MYO9A: variants seen among roughly 807,000 people sequenced by gnomAD.
MYO9A encodes the protein unconventional myosin-IXa.
MYO9A carries 103 observed loss-of-function variants against 293.3 expected under a neutral mutation model. The ratio of observed to expected loss-of-function variants is 0.35; its 90% CI spans 0.30 to 0.41. The LOEUF is 0.41. Among genes scored for constraint, MYO9A ranks in the 10% least tolerant of loss-of-function variants. The probability of loss-of-function intolerance (pLI) is 1.00; values close to 1 mark genes in which losing one functional copy is unlikely to be tolerated. For missense variants in MYO9A, 2,685 were observed against 3,033.0 expected (o/e 0.89, Z 2.69); for synonymous variants, 1,001 against 1,035.7 (o/e 0.97, Z 0.64).
intron 4 of MYO9A, 51 bp from the exon 5 acceptor site, chr15:72,021,068 C>A (rs2149211096): frequency 8.4e-7 from 1 of 1,183,524 alleles, no homozygotes; most frequent in Non-Finnish European, 1.2e-6. Flanking sequence ...TTATGGTTAT[C>A]ATTTAACAGG....
At chr15:71,920,514 G>C (rs1264188561) in intron 18 of MYO9A, among the ~76,000 whole-genome samples, 6 of 152,162 alleles carry the variant, frequency 3.9e-5, no homozygotes, top group Non-Finnish European at 7.4e-5. Flanking sequence ...CTGAAAACTT[G>C]ATTTTGAAAT....
intron 1 of MYO9A, among the ~76,000 whole-genome samples, chr15:72,112,263 G>A (rs535834992): frequency 2.0e-5 from 3 of 152,272 alleles, no homozygotes; most frequent in African/African-American, 7.2e-5. Context: ...CAAGCCAGCT[G>A]TCTATGACAG....
intron 10 of MYO9A, chr15:71,993,823 AG>A: frequency 6.6e-6 from 1 of 152,190 alleles, no homozygotes; most frequent in African/African-American, 2.4e-5. Context: ...TACAAAAATG[AG>A]CTGGGTGTGG....
chr15:71,896,503 G>C lies in MYO9A; in HGVS notation c.5042+958C>G, dbSNP rs185291483. Among the ~76,000 whole-genome samples, 39 of 152,198 alleles carry C rather than the reference G, an allele frequency of 2.6e-4. No individual in the cohort carries two copies. The East Asian group carries it at 7.3e-3, about 29-fold the overall frequency. On this transcript the variant is annotated intron_variant, in intron 25 of 41. Transcript: ENST00000356056. ...TATAAAGAAATTCTACTTACGGCTG[G>C]GTGCGGTGGCTCACACCTGTAATCC...
chr15:72,087,382 G>T (rs773214382), intron 1 of MYO9A, among the ~76,000 whole-genome samples: 3 of 152,186 alleles, frequency 2.0e-5, no homozygotes, highest in Non-Finnish European at 1.5e-5. Context: ...GCACTGACTG[G>T]AGTGCTGCCT....
In MYO9A at chr15:71,899,719, T is replaced by C. The variant is rs568262232; in HGVS notation, c.3438A>G (p.Gln1146=). The C allele has an allele frequency of 1.3e-5, 21 of 1,613,922 alleles. No homozygotes were observed. The Admixed American group carries it at 1.5e-4, about 12-fold the overall frequency. ...TTGCTCTGAATCCTCTACATGTTGA[T>C]TGCAAAAGGATAATTTTTTTCCTTT... is the stretch of plus-strand genomic sequence containing the variant. ...QEQRKKIILL[Q]STCRGFRARQ... The change falls in exon 24 of 42, where the codon CAA becomes CAG. Residue 1146 remains glutamine, a synonymous_variant. Transcript: ENST00000356056.
At chr15:71,839,973 T>C (rs796826487) in intron 39 of MYO9A, among the ~76,000 whole-genome samples, 32 of 152,348 alleles carry the variant, frequency 2.1e-4, no homozygotes, top group African/African-American at 7.7e-4. Flanking sequence ...GTGTAAGAAC[T>C]GATCTTTGGT....
chr15:72,012,350 A>C (rs1317205250), intron 6 of MYO9A, among the ~76,000 whole-genome samples: 1 of 152,126 alleles, frequency 6.6e-6, no homozygotes, highest in Non-Finnish European at 1.5e-5. Context: ...GCTGCTGTGC[A>C]ATGACGCGAT....
At chr15:72,065,515 CAAAA>C (rs780113322) in intron 1 of MYO9A, among the ~76,000 whole-genome samples, 3 of 56,598 alleles carry the variant, frequency 5.3e-5, no homozygotes. Flanking sequence ...AACTCCGTCT[CAAAA>C]AAAAAAAAAA....
Position 71,933,718 on chromosome 15 carries a change from A to T in MYO9A, c.2523-9T>A, listed in dbSNP as rs2058547828. ...TGAAATTTTTGTTTCTCCTATAGAG[A>T]TAAATCATTCATTAAAAAAAGCTAC... is the stretch of plus-strand genomic sequence containing the variant. On this transcript the variant is annotated splice_polypyrimidine_tract_variant and intron_variant, in intron 17 of 41. Coordinates refer to ENST00000356056, the MANE Select transcript of MYO9A (RefSeq NM_006901.4). 6.3e-7 allele frequency: 1 copy of T among 1,596,706 alleles called. No homozygotes were observed. The highest frequency in any genetic ancestry group is 1.8e-5 in the Admixed American group (1 of 55,992).
intron 13 of MYO9A, among the ~76,000 whole-genome samples, chr15:71,960,582 C>A (rs1474320020): frequency 6.6e-6 from 1 of 152,164 alleles, no homozygotes; most frequent in Non-Finnish European, 1.5e-5. Context: ...AATGGACTAA[C>A]CCAAGTGACA....
chr15:71,822,483 C>T lies in MYO9A; in HGVS notation c.*4097G>A, dbSNP rs1037165067. The T allele has an allele frequency of 2.0e-5, 3 of 151,996 alleles. No homozygotes were observed. The highest frequency in any genetic ancestry group is 7.3e-5 in the African/African-American group (3 of 41,366). The allele number at this position is 151,996 out of a possible 1,614,324, so 9.4% of individuals were successfully genotyped here. ...TTACAAAGTGCCTATTGATTGCATC[C>T]GGAATGTAATCAGTTCCGTGGGTGA... On this transcript the variant is annotated 3_prime_UTR_variant, in exon 42 of 42. Transcript: ENST00000356056.
intron 18 of MYO9A, among the ~76,000 whole-genome samples, chr15:71,933,281 C>T (rs1008694037): frequency 1.3e-5 from 2 of 152,022 alleles, no homozygotes; most frequent in African/African-American, 4.8e-5. Context: ...AAAAACCTGG[C>T]AAACATTTAT....
chr15:72,019,291 C>T (rs139594909), intron 5 of MYO9A, among the ~76,000 whole-genome samples, 196 bp from the exon 6 acceptor site: 4 of 152,282 alleles, frequency 2.6e-5, no homozygotes, highest in Non-Finnish European at 4.4e-5. Context: ...CGCATATATA[C>T]CATGGGCTCC....
At chr15:71,908,054 C>T (rs1178694454) in intron 19 of MYO9A, among the ~76,000 whole-genome samples, 1 of 152,146 alleles carries the variant, frequency 6.6e-6, no homozygotes, top group Admixed American at 6.5e-5. Flanking sequence ...CCTAGGTTTT[C>T]TTCTAGGGTT....
Position 71,951,847 on chromosome 15 carries a change from A to G in MYO9A, c.2232T>C (p.Phe744=). ...GGTGGACTGGGTGTTGGAGAAAGCT[A>G]AAACTATCCATACTTTTCAAAATTG... ...PCAILKSMDS[F]SFLQHPVHQR... Residue 744 remains phenylalanine (F), a synonymous_variant, in exon 15 of 42, where the codon TTT becomes TTC. Transcript: ENST00000356056. 6.2e-7 allele frequency: 1 copy of G among 1,613,472 alleles called. No homozygotes were observed.
chr15:71,963,466 G>A (rs2075794118), intron 13 of MYO9A, among the ~76,000 whole-genome samples: 1 of 151,480 alleles, frequency 6.6e-6, no homozygotes, highest in Non-Finnish European at 1.5e-5. Flanking sequence ...TATGTATTTA[G>A]AGACAGAGTT....
At chr15:72,038,653 G>C (rs2078134031) in intron 2 of MYO9A, among the ~76,000 whole-genome samples, 1 of 152,104 alleles carries the variant, frequency 6.6e-6, no homozygotes, top group Admixed American at 6.6e-5. Flanking sequence ...AGGGTAAATG[G>C]AAACAGCCAT....
chr15:72,022,148 C>G (rs113161350), intron 4 of MYO9A, among the ~76,000 whole-genome samples: 17 of 152,250 alleles, frequency 1.1e-4, no homozygotes, highest in Non-Finnish European at 8.8e-5. Context: ...AACAATCAGA[C>G]AGTAGGAATA....
Sources: allele counts gnomAD v4.1 joint callset (sites outside exome capture counted in the v4.1 genomes callset), GRCh38; gene constraint gnomAD v4.1.1; transcripts MANE v1.5; gene names NCBI Gene and HGNC (gene_info 2026-07-23, HGNC 2026-07-21).